EGFR: variants seen among roughly 807,000 people sequenced by gnomAD.
EGFR encodes epidermal growth factor receptor.
EGFR carries 58 observed loss-of-function variants against 143.0 expected under a neutral mutation model. That is an observed-to-expected ratio of 0.41 (90% CI 0.33 to 0.50). The LOEUF is 0.50. Ranked by LOEUF, EGFR falls within the 20% of genes least tolerant of loss-of-function variation. The pLI is 0.39. For synonymous variants in EGFR, 613 were observed against 594.4 expected, an observed-to-expected ratio of 1.03 and a Z score of -0.45; for missense variants, 1,307 against 1,579.0, an observed-to-expected ratio of 0.83 and a Z score of 2.92.
intron 1 of EGFR, among the ~76,000 whole-genome samples, chr7:55,072,074 T>C (rs930874648): frequency 2.0e-5 from 3 of 151,166 alleles, no homozygotes; most frequent in African/African-American, 7.3e-5. Flanking sequence ...GCCACAGTAA[T>C]ACTAGAAACT....
chr7:55,027,988 AAAAATAT>A (rs1339695669), intron 1 of EGFR, among the ~76,000 whole-genome samples: 65 of 87,836 alleles, frequency 7.4e-4, no homozygotes, highest in Admixed American at 2.0e-3. Context: ...AAAAAAAAAA[AAAAATAT>A]ATATATATAT....
intron 1 of EGFR, among the ~76,000 whole-genome samples, chr7:55,055,365 C>T (rs1195357911): frequency 6.6e-6 from 1 of 152,092 alleles, no homozygotes; most frequent in Non-Finnish European, 1.5e-5. Flanking sequence ...TAATGCATAG[C>T]TAGAGTTGAG....
At chr7:55,090,660 T>C (rs1412216878) in intron 1 of EGFR, among the ~76,000 whole-genome samples, 4 of 152,186 alleles carry the variant, frequency 2.6e-5, no homozygotes, top group Non-Finnish European at 5.9e-5. Flanking sequence ...AAATCAGAGC[T>C]CAGACATACA....
chr7:55,074,769 C>A lies in EGFR; in HGVS notation c.88+55404C>A, dbSNP rs1226328350. The stretch of plus-strand genomic sequence containing the variant: ...AAGCAAATCAATTAGGTGGCAAAGA[C>A]AAGATTATTTTTCCTTATGGTAGTT... On this transcript the variant is annotated intron_variant, in intron 1 of 27. Transcript: ENST00000275493. Among the ~76,000 whole-genome samples the A allele has an allele frequency of 4.6e-5, 7 of 152,272 alleles. 1 individual carries two copies. In the South Asian group the frequency reaches 1.0e-3, roughly 23 times the overall value.
chr7:55,198,915 C>T (rs1287537746), intron 23 of EGFR, 52 bp downstream of exon 23: 2 of 1,610,172 alleles, frequency 1.2e-6, no homozygotes, highest in African/African-American at 1.3e-5. Flanking sequence ...TTGGTGGCTG[C>T]TCTTAGCCAA....
chr7:55,023,438 A>G (rs1786689182), intron 1 of EGFR, among the ~76,000 whole-genome samples: 1 of 152,126 alleles, frequency 6.6e-6, no homozygotes, highest in East Asian at 1.9e-4. Context: ...TCATGAAGCC[A>G]GGAGTTTGAG....
intron 1 of EGFR, among the ~76,000 whole-genome samples, chr7:55,055,395 A>G (rs909476783): frequency 6.6e-6 from 1 of 152,132 alleles, no homozygotes; most frequent in African/African-American, 2.4e-5. Flanking sequence ...TCTAACGTGC[A>G]GATCTGGTCA....
At chr7:55,164,497 C>A (rs1432752641) in intron 14 of EGFR, among the ~76,000 whole-genome samples, 1 of 152,162 alleles carries the variant, frequency 6.6e-6, no homozygotes, top group Non-Finnish European at 1.5e-5. Context: ...GCCAGCGTGG[C>A]TGCTTACAAA....
At chr7:55,030,890 T>A (rs1257976263) in intron 1 of EGFR, among the ~76,000 whole-genome samples, 1 of 152,226 alleles carries the variant, frequency 6.6e-6, no homozygotes, top group Non-Finnish European at 1.5e-5. Flanking sequence ...AGGCACTTTC[T>A]GGGTTGAAGG....
At chr7:55,048,354 C>T (rs758464185) in intron 1 of EGFR, among the ~76,000 whole-genome samples, 7 of 152,136 alleles carry the variant, frequency 4.6e-5, no homozygotes, top group Admixed American at 6.6e-5. Flanking sequence ...GAGTTACAAG[C>T]GCTGGTGAGG....
chr7:55,060,214 G>A (rs1368278818), intron 1 of EGFR, among the ~76,000 whole-genome samples: 1 of 152,222 alleles, frequency 6.6e-6, no homozygotes, highest in Non-Finnish European at 1.5e-5. Context: ...ATTGTCATGT[G>A]AGATTATATG....
intron 1 of EGFR, among the ~76,000 whole-genome samples, chr7:55,131,163 G>C (rs1467608580): frequency 6.6e-6 from 1 of 152,124 alleles, no homozygotes; most frequent in Non-Finnish European, 1.5e-5. Flanking sequence ...CTTCATAGGG[G>C]TGGCACCAGG....
At chr7:55,150,436 C>T (rs1785094553) in intron 4 of EGFR, among the ~76,000 whole-genome samples, 1 of 152,182 alleles carries the variant, frequency 6.6e-6, no homozygotes, top group Non-Finnish European at 1.5e-5. Context: ...ATTCTGGCTT[C>T]ACAGTCACAT....
intron 1 of EGFR, among the ~76,000 whole-genome samples, chr7:55,042,965 A>G (rs1332477829): frequency 1.3e-5 from 2 of 152,144 alleles, no homozygotes; most frequent in East Asian, 3.9e-4. Context: ...TTAAATTGGT[A>G]TGTCTTGAAG....
At chr7:55,170,239 T>C (rs1240876262) in intron 15 of EGFR, 14 of 1,612,420 alleles carry the variant, frequency 8.7e-6, no homozygotes, top group Non-Finnish European at 1.2e-5. Flanking sequence ...TAGGATCAGA[T>C]TATAGTGTTA....
chr7:55,196,353 CT>C (rs1460243096), intron 22 of EGFR, among the ~76,000 whole-genome samples: 1 of 151,870 alleles, frequency 6.6e-6, no homozygotes, highest in South Asian at 2.1e-4. Flanking sequence ...CCTTTGCCCA[CT>C]TTTTAATGGG....
chr7:55,027,985 AAAAAAAAT>A (rs1294980069), intron 1 of EGFR, among the ~76,000 whole-genome samples: 1 of 83,182 alleles, frequency 1.2e-5, no homozygotes, highest in African/African-American at 5.0e-5. Flanking sequence ...TAAAAAAAAA[AAAAAAAAT>A]ATATATATAT....
intron 1 of EGFR, 47 bp from the exon 2 acceptor site, chr7:55,142,239 T>C: frequency 6.2e-7 from 1 of 1,612,364 alleles, no homozygotes; most frequent in Non-Finnish European, 8.5e-7. Flanking sequence ...ATTTTAGTTT[T>C]TCTGCATTTC....
At chr7:55,201,667 G>A (rs2128972372) in intron 25 of EGFR, 68 bp from the exon 26 acceptor site, 2 of 1,583,542 alleles carry the variant, frequency 1.3e-6, no homozygotes, top group Non-Finnish European at 1.7e-6. Context: ...CACACCACCT[G>A]CATTCAGGAA....
Sources: allele counts gnomAD v4.1 joint callset (sites outside exome capture counted in the v4.1 genomes callset), GRCh38; gene constraint gnomAD v4.1.1; transcripts MANE v1.5; gene names NCBI Gene and HGNC (gene_info 2026-07-23, HGNC 2026-07-21).